Variants in NRP1 observed in about 807,000 individuals in gnomAD.
The protein encoded by NRP1 is neuropilin-1.
NRP1 carries 35 observed loss-of-function variants against 106.7 expected under a neutral mutation model. The ratio of observed to expected loss-of-function variants is 0.33; its 90% CI spans 0.25 to 0.43. The LOEUF is 0.43. Among genes scored for constraint, NRP1 ranks in the 20% least tolerant of loss-of-function variants. The pLI is 1.00. For synonymous variants in NRP1, 437 were observed against 417.9 expected (o/e 1.05, Z -0.56); for missense variants, 1,024 against 1,170.4 (o/e 0.87, Z 1.83).
At chr10:33,210,375 C>T (rs1177727499) in intron 9 of NRP1, among the ~76,000 whole-genome samples, 1 of 152,070 alleles carries the variant, frequency 6.6e-6, no homozygotes, top group Non-Finnish European at 1.5e-5. Context: ...TCTATGTTAA[C>T]ATACCTCCAA....
chr10:33,209,018 T>C (rs182900751), intron 9 of NRP1, among the ~76,000 whole-genome samples: 1 of 150,154 alleles, frequency 6.7e-6, no homozygotes, highest in East Asian at 2.0e-4. Context: ...GTGATTCTCC[T>C]GTCTCAGCCT....
At chr10:33,311,354 G>A (rs1212980324) in intron 2 of NRP1, among the ~76,000 whole-genome samples, 1 of 152,202 alleles carries the variant, frequency 6.6e-6, no homozygotes, top group Non-Finnish European at 1.5e-5. Flanking sequence ...CTAGGTCCCA[G>A]GTGGGCCTGC....
At chr10:33,208,018 C>G (rs1026052592) in intron 9 of NRP1, among the ~76,000 whole-genome samples, 9 of 152,246 alleles carry the variant, frequency 5.9e-5, no homozygotes, top group African/African-American at 2.2e-4. Flanking sequence ...CTTACCCTCC[C>G]TGGGCTCAGT....
intron 6 of NRP1, among the ~76,000 whole-genome samples, chr10:33,238,214 C>T (rs1476825839): frequency 2.0e-5 from 3 of 152,238 alleles, no homozygotes; most frequent in Admixed American, 6.5e-5. Flanking sequence ...TAGCAGCACA[C>T]GCTGCAGCTC....
At chr10:33,246,756 C>A (rs1284012360) in intron 6 of NRP1, among the ~76,000 whole-genome samples, 6 of 152,130 alleles carry the variant, frequency 3.9e-5, no homozygotes, top group Admixed American at 2.0e-4. Flanking sequence ...TATAAAGTAT[C>A]ATTTTAATGT....
chr10:33,276,899 G>A (rs186081714), intron 2 of NRP1, among the ~76,000 whole-genome samples: 263 of 152,178 alleles, frequency 1.7e-3, no homozygotes, highest in African/African-American at 5.7e-3. Context: ...TTCAAGACCA[G>A]CTTGGACCAC....
chr10:33,315,373 T>A (rs1846948644), intron 2 of NRP1, among the ~76,000 whole-genome samples: 1 of 152,226 alleles, frequency 6.6e-6, no homozygotes, highest in Non-Finnish European at 1.5e-5. Flanking sequence ...GTTAAGCCTT[T>A]GTCCAGAGAG....
intron 10 of NRP1, chr10:33,205,765 C>T (rs1754473102): frequency 6.4e-6 from 1 of 157,394 alleles, no homozygotes; most frequent in African/African-American, 2.4e-5. Flanking sequence ...ACATTATTCC[C>T]AGAAGCAATT....
chr10:33,304,137 C>T (rs1199328387), intron 2 of NRP1, among the ~76,000 whole-genome samples: 1 of 152,146 alleles, frequency 6.6e-6, no homozygotes, highest in Non-Finnish European at 1.5e-5. Flanking sequence ...CACACCCAGG[C>T]CAAATAGTTG....
chr10:33,253,633 T>G (rs1481968247), intron 6 of NRP1, among the ~76,000 whole-genome samples: 1 of 152,150 alleles, frequency 6.6e-6, no homozygotes, highest in African/African-American at 2.4e-5. Context: ...ATTCATATAT[T>G]TCATCCAGGA....
At chr10:33,268,639 A>C (rs1041941426) in intron 3 of NRP1, among the ~76,000 whole-genome samples, 6 of 152,212 alleles carry the variant, frequency 3.9e-5, no homozygotes, top group Non-Finnish European at 8.8e-5. Flanking sequence ...CAGATCTCTA[A>C]GAAAACTGAA....
chr10:33,232,612 C>G (rs1379561957), intron 6 of NRP1, among the ~76,000 whole-genome samples: 4 of 134,246 alleles, frequency 3.0e-5, no homozygotes, highest in Non-Finnish European at 4.8e-5. Flanking sequence ...CTTTTGAGTT[C>G]TAGTGGCCGC....
chr10:33,195,490 G>A (rs1836717033), intron 12 of NRP1: 1 of 533,354 alleles, frequency 1.9e-6, no homozygotes, highest in Non-Finnish European at 3.8e-6. Context: ...ACTCTGAGTT[G>A]AGTCTATAAT....
At chr10:33,314,418 G>C (rs1356158993) in intron 2 of NRP1, among the ~76,000 whole-genome samples, 1 of 152,232 alleles carries the variant, frequency 6.6e-6, no homozygotes, top group Non-Finnish European at 1.5e-5. Flanking sequence ...AGACAAACTA[G>C]AGAGGTGAGA....
intron 4 of NRP1, among the ~76,000 whole-genome samples, chr10:33,261,951 G>T (rs1481858921): frequency 1.3e-5 from 2 of 152,138 alleles, no homozygotes; most frequent in Admixed American, 6.5e-5. Flanking sequence ...GGCCAGTCTG[G>T]TCTCGAACTC....
chr10:33,322,658 C>T (rs544498246), intron 2 of NRP1, among the ~76,000 whole-genome samples: 1 of 152,316 alleles, frequency 6.6e-6, no homozygotes, highest in South Asian at 2.1e-4. Context: ...GCTGGGATTA[C>T]AGACCTGAGC....
chr10:33,186,073 T>C (rs760097582), intron 14 of NRP1, 144 bp downstream of exon 14: 130 of 1,087,208 alleles, frequency 1.2e-4, no homozygotes, highest in Non-Finnish European at 1.4e-4. Context: ...ATTAAGGTGG[T>C]TATCATTGCA....
intron 2 of NRP1, among the ~76,000 whole-genome samples, chr10:33,321,047 C>G (rs944398179): frequency 6.6e-6 from 1 of 152,170 alleles, no homozygotes; most frequent in Non-Finnish European, 1.5e-5. Flanking sequence ...AGTGCAATGG[C>G]CTGATCTTGG....
At chr10:33,316,705 A>G (rs1847064804) in intron 2 of NRP1, among the ~76,000 whole-genome samples, 1 of 152,196 alleles carries the variant, frequency 6.6e-6, no homozygotes, top group Non-Finnish European at 1.5e-5. Flanking sequence ...GATGCAGGAG[A>G]GAAGAAGGCC....
Sources: gnomAD v4.1 joint callset for allele counts (sites outside exome capture counted in the v4.1 genomes callset) on GRCh38, gnomAD v4.1.1 for gene constraint, MANE v1.5 for transcripts, NCBI Gene and HGNC (gene_info 2026-07-23, HGNC 2026-07-21) for gene names.